Variants in ALB observed in about 807,000 individuals in gnomAD.
The protein encoded by ALB is serum albumin.
In ALB, 37 loss-of-function variants were observed where a neutral mutation model predicts 74.5. The ratio of observed to expected loss-of-function variants is 0.50; its 90% confidence interval spans 0.38 to 0.65. ALB has a LOEUF of 0.65. ALB is among the 30% of genes least tolerant of loss of function. The pLI, the probability that ALB is intolerant of heterozygous loss-of-function variation, is 0.00. For synonymous variants in ALB, 249 were observed against 251.6 expected, an observed-to-expected ratio of 0.99 and a Z score of 0.10; for missense variants, 685 against 718.7, an observed-to-expected ratio of 0.95 and a Z score of 0.54.
intron 10 of ALB, 139 bp downstream of exon 10, chr4:73,416,492 A>C (rs1719018281): frequency 1.4e-6 from 1 of 707,078 alleles, no homozygotes; most frequent in Non-Finnish European, 2.5e-6. Flanking sequence ...GAAAGATAGG[A>C]GAGGAGAGAT....
intron 11 of ALB, 116 bp downstream of exon 11, chr4:73,417,785 G>T (rs1719051898): frequency 1.0e-6 from 1 of 994,218 alleles, no homozygotes; most frequent in African/African-American, 1.6e-5. Context: ...ATGTTTGTGT[G>T]CATGTGTGTG....
chr4:73,411,850 T>A, intron 6 of ALB, 146 bp from the exon 7 acceptor site: 1 of 973,190 alleles, frequency 1.0e-6, no homozygotes, highest in East Asian at 2.7e-5. Context: ...GTGATTACCA[T>A]TTGGTTCAGA....
chr4:73,411,377 T>C (rs564668455), intron 6 of ALB, among the ~76,000 whole-genome samples: 2 of 152,284 alleles, frequency 1.3e-5, no homozygotes, highest in African/African-American at 4.8e-5. Context: ...TTACATCTTG[T>C]CATAGAGTTT....
In ALB at chr4:73,413,430, C is replaced by G. The variant is rs770678026; in HGVS notation, c.854C>G (p.Ala285Gly). 66 of 1,613,704 alleles carry G rather than the reference C, an allele frequency of 4.1e-5. No individual in the cohort carries two copies. The highest frequency in any genetic ancestry group is 5.5e-5 in the Non-Finnish European group (65 of 1,179,782). ...CCAACTTACTTATAGGCGGACCTTG[C>G]CAAGTATATCTGTGAAAATCAAGAT... Reference protein sequence around the residue: ...LECADDRADLAKYICENQDSI... With the variant: ...LECADDRADLGKYICENQDSI... The change falls in exon 8 of 15, where the codon GCC becomes GGC. Residue 285 changes from alanine (A) to glycine (G), a missense_variant. Transcript: ENST00000295897.
At chr4:73,419,474 G>GTTTTTTT (rs11351486) in intron 12 of ALB, 33 bp from the exon 13 acceptor site, 5 of 1,304,960 alleles carry the variant, frequency 3.8e-6, no homozygotes, top group Admixed American at 2.0e-5. Flanking sequence ...TGTTTTTTCT[G>GTTTTTTT]TTTTTTTTTT....
chr4:73,408,487 G>T, intron 3 of ALB, 107 bp from the exon 4 acceptor site: 1 of 999,816 alleles, frequency 1.0e-6, no homozygotes, highest in Non-Finnish European at 1.5e-6. Context: ...ATTTTTAAAT[G>T]ATTTCCTGAC....
intron 1 of ALB, 93 bp downstream of exon 1, chr4:73,404,499 TG>T: frequency 1.8e-6 from 2 of 1,105,768 alleles, no homozygotes; most frequent in Non-Finnish European, 2.7e-6. Context: ...AGAATTATTT[TG>T]GCATTTATTT....
intron 6 of ALB, 109 bp from the exon 7 acceptor site, chr4:73,411,887 A>G: frequency 7.2e-7 from 1 of 1,395,770 alleles, no homozygotes; most frequent in Non-Finnish European, 1.0e-6. Flanking sequence ...TTTAAAAATT[A>G]TTTCTGTATG....
In ALB at chr4:73,417,666, CTA is replaced by C. The variant is rs1205943235; in HGVS notation, c.1427_1428del (p.Tyr476SerfsTer13). 1 of 1,588,710 alleles carries C rather than the reference CTA, an allele frequency of 6.3e-7. No individual in the cohort carries two copies. Among genetic ancestry groups the C allele is most frequent in the Non-Finnish European group, 8.5e-7 (1 of 1,171,202 alleles). ...CAAAAAGAATGCCCTGTGCAGAAGACTATGTGAGTCTTTAAAAAAATATAATA... is the reference window on the plus strand; with the variant it reads ...CAAAAAGAATGCCCTGTGCAGAAGACTGTGAGTCTTTAAAAAAATATAATA... ...EAKRMPCAEDYLSVVLNQLCV... is the reference protein window; with the variant it reads ...EAKRMPCAEDXLSVVLNQLCV... On this transcript the variant is annotated frameshift_variant and splice_region_variant, in exon 11 of 15. Coordinates refer to ENST00000295897, the MANE Select transcript of ALB (RefSeq NM_000477.7). LOFTEE classifies it high-confidence loss of function.
At chr4:73,412,865 T>C (rs1456656464) in intron 7 of ALB, among the ~76,000 whole-genome samples, 1 of 152,228 alleles carries the variant, frequency 6.6e-6, no homozygotes. Context: ...GTTTGTTAGA[T>C]GTGCAAATAT....
intron 11 of ALB, 164 bp from the exon 12 acceptor site, chr4:73,417,924 C>G: frequency 1.3e-6 from 1 of 762,162 alleles, no homozygotes; most frequent in Non-Finnish European, 2.2e-6. Flanking sequence ...TCTCGGCTCA[C>G]TGCAACCTCC....
At chr4:73,411,082 G>C (rs116832118) in intron 6 of ALB, among the ~76,000 whole-genome samples, 3 of 151,946 alleles carry the variant, frequency 2.0e-5, no homozygotes, top group African/African-American at 7.3e-5. Flanking sequence ...TAGCTGCCCC[G>C]TCACCCACAC....
chr4:73,416,468 T>A (rs928693529), intron 10 of ALB, 115 bp downstream of exon 10: 3 of 775,300 alleles, frequency 3.9e-6, no homozygotes, highest in Non-Finnish European at 6.6e-6. Context: ...ATATTTCTAA[T>A]CACTCTTTGT....
At chr4:73,419,165 C>T (rs1719086664) in intron 12 of ALB, 2 of 192,496 alleles carry the variant, frequency 1.0e-5, no homozygotes, top group African/African-American at 2.3e-5. Flanking sequence ...TAATATGGCA[C>T]TTCCAAAATC....
chr4:73,408,132 G>A (rs1718778877), intron 3 of ALB, among the ~76,000 whole-genome samples: 1 of 152,130 alleles, frequency 6.6e-6, no homozygotes, highest in Non-Finnish European at 1.5e-5. Context: ...CTTAATATAT[G>A]ATGGATTGTG....
At chr4:73,420,949 G>C (rs1335958454) in intron 14 of ALB, 143 bp from the exon 15 acceptor site, 5 of 523,250 alleles carry the variant, frequency 9.6e-6, no homozygotes, top group East Asian at 9.4e-5. Flanking sequence ...TTCAGCAGCC[G>C]TAAGTCTAGG....
chr4:73,412,181 G>C lies in ALB; in HGVS notation c.843+56G>C, dbSNP rs1718895367. 2.5e-6 allele frequency: 4 copies of C among 1,606,528 alleles called. No individual in the cohort carries two copies. In the Admixed American group the frequency reaches 6.7e-5, roughly 27 times the overall value. On this transcript the variant is annotated intron_variant, in intron 7 of 14. Coordinates refer to ENST00000295897, the MANE Select transcript of ALB (RefSeq NM_000477.7). ...CTTGCATGCTCAAGTTGGTAGAATG[G>C]ATGCGTTTGGTATCATTGGTGATAG...
At chr4:73,416,024 T>C (rs1016539771) in intron 9 of ALB, among the ~76,000 whole-genome samples, 2 of 152,174 alleles carry the variant, frequency 1.3e-5, no homozygotes, top group African/African-American at 4.8e-5. Flanking sequence ...ATGACTTGGC[T>C]CAAATACTGG....
chr4:73,410,269 A>G, intron 5 of ALB, 43 bp from the exon 6 acceptor site: 1 of 1,516,660 alleles, frequency 6.6e-7, no homozygotes, highest in South Asian at 1.1e-5. Flanking sequence ...TGTTTCATGT[A>G]GAATTTTTCT....
Sources: gnomAD v4.1 joint callset for allele counts (sites outside exome capture counted in the v4.1 genomes callset) on GRCh38, gnomAD v4.1.1 for gene constraint, MANE v1.5 for transcripts, NCBI Gene and HGNC (gene_info 2026-07-23, HGNC 2026-07-21) for gene names.